Variants in HYAL4 observed in about 807,000 individuals in gnomAD.
HYAL4 encodes the protein hyaluronidase-4.
HYAL4 carries 37 observed loss-of-function variants against 35.2 expected under a neutral mutation model. The ratio of observed to expected loss-of-function variants is 1.05; its 90% confidence interval spans 0.81 to 1.38. The LOEUF (loss-of-function observed/expected upper bound fraction) is 1.38. Ranked by LOEUF, HYAL4 falls within the 40% of genes most tolerant of loss-of-function variation. The probability of loss-of-function intolerance (pLI) is 0.00; values close to 1 mark genes in which losing one functional copy is unlikely to be tolerated. For missense variants in HYAL4, 572 were observed against 572.4 expected (o/e 1.00, Z 0.01); for synonymous variants, 198 against 203.2 (o/e 0.97, Z 0.22).
At chr7:123,772,033 A>G in the HYAL4 span, among the ~76,000 whole-genome samples, 1 of 151,910 alleles carries the variant, frequency 6.6e-6, no homozygotes, top group Non-Finnish European at 1.5e-5. Context: ...GATTTACACT[A>G]TCAGCTCCCC....
intron 2 of HYAL4, among the ~76,000 whole-genome samples, chr7:123,853,839 T>C (rs959439715): frequency 6.6e-6 from 1 of 152,198 alleles, no homozygotes; most frequent in Non-Finnish European, 1.5e-5. Flanking sequence ...AGAATTCGGA[T>C]GTGAATCCTT....
intron 2 of HYAL4, among the ~76,000 whole-genome samples, chr7:123,851,622 T>A (rs777069860): frequency 2.0e-5 from 3 of 152,216 alleles, no homozygotes; most frequent in Non-Finnish European, 4.4e-5. Context: ...TGTGCCACAT[T>A]TTCTTGATCC....
At chr7:123,836,184 C>A (rs188052852) in intron 1 of HYAL4, among the ~76,000 whole-genome samples, 22 of 152,134 alleles carry the variant, frequency 1.4e-4, no homozygotes, top group African/African-American at 5.1e-4. Context: ...ATTGAAGTCC[C>A]CCACTATTAT....
At chr7:123,772,935 C>A in the HYAL4 span, among the ~76,000 whole-genome samples, 6 of 152,202 alleles carry the variant, frequency 3.9e-5, no homozygotes, top group African/African-American at 1.4e-4. Context: ...CCAGACTACA[C>A]CCATGAAAAA....
At chr7:123,796,892 G>T in the HYAL4 span, among the ~76,000 whole-genome samples, 30 of 152,086 alleles carry the variant, frequency 2.0e-4, no homozygotes, top group African/African-American at 7.0e-4. Context: ...TCCAAGATAG[G>T]CAAATCTATG....
At chr7:123,839,511 T>G (rs1219606952) in intron 1 of HYAL4, among the ~76,000 whole-genome samples, 3 of 152,204 alleles carry the variant, frequency 2.0e-5, no homozygotes, top group Non-Finnish European at 4.4e-5. Flanking sequence ...GTAATGGGAT[T>G]GCTGGGTCAA....
intron 2 of HYAL4, among the ~76,000 whole-genome samples, chr7:123,862,661 T>C (rs1341609738): frequency 2.6e-5 from 4 of 151,862 alleles, no homozygotes; most frequent in Non-Finnish European, 4.4e-5. Context: ...TTTGTGGTGA[T>C]TATTTAAAAT....
the HYAL4 span, among the ~76,000 whole-genome samples, chr7:123,821,306 C>T: frequency 6.6e-6 from 1 of 152,180 alleles, no homozygotes; most frequent in East Asian, 1.9e-4. Context: ...TTCTCTACAA[C>T]TTCAACACTT....
chr7:123,862,843 C>A (rs577943076), intron 2 of HYAL4, among the ~76,000 whole-genome samples: 59 of 152,332 alleles, frequency 3.9e-4, no homozygotes, highest in Admixed American at 1.4e-3. Context: ...TGTCATTCTT[C>A]TTTCAAAGCC....
the HYAL4 span, among the ~76,000 whole-genome samples, chr7:123,783,896 A>G: frequency 1.0e-3 from 157 of 152,332 alleles, no homozygotes; most frequent in Non-Finnish European, 1.7e-3. Context: ...AAGAAATAAA[A>G]GTATGCTAAG....
In HYAL4 at chr7:123,876,756, C is replaced by T. The variant is rs144115285; in HGVS notation, c.1047C>T (p.Ala349=). The change falls in exon 5 of 5, where the codon GCC becomes GCT. Residue 349 remains alanine, a splice_region_variant and synonymous_variant. Coordinates refer to ENST00000223026, the MANE Select transcript of HYAL4 (RefSeq NM_012269.3). ...TTGATTTCTTCCTACATTTCTAGGC[C>T]AACTGTACAAAGGTGAAGCAGTTTG... is the stretch of plus-strand genomic sequence containing the variant. The part of the protein sequence containing the change: ...WGDMNLTASK[A]NCTKVKQFVS... 3.7e-6 allele frequency: 6 copies of T among 1,606,828 alleles called. No individual in the cohort carries two copies. Among genetic ancestry groups the T allele is most frequent in the Non-Finnish European group, 5.1e-6 (6 of 1,174,436 alleles).
At chr7:123,792,819 A>G in the HYAL4 span, among the ~76,000 whole-genome samples, 1 of 152,150 alleles carries the variant, frequency 6.6e-6, no homozygotes, top group Non-Finnish European at 1.5e-5. Context: ...CTGTCATAAC[A>G]CATTGATGCT....
chr7:123,851,716 T>C (rs1806309221), intron 2 of HYAL4, among the ~76,000 whole-genome samples: 1 of 152,214 alleles, frequency 6.6e-6, no homozygotes, highest in Non-Finnish European at 1.5e-5. Flanking sequence ...TGGATGTGTC[T>C]TTATAGTAGA....
At chr7:123,790,035 C>G in the HYAL4 span, among the ~76,000 whole-genome samples, 1 of 152,246 alleles carries the variant, frequency 6.6e-6, no homozygotes, top group South Asian at 2.1e-4. Context: ...ATCTCACAGT[C>G]TTGAGTCTGA....
rs1419022632 is a variant in HYAL4, at chr7:123,868,234, T to C, written c.-40T>C. 3 of 1,133,566 alleles carry C rather than the reference T, an allele frequency of 2.6e-6. No individual in the cohort carries two copies. The highest frequency in any genetic ancestry group is 3.7e-6 in the Non-Finnish European group (3 of 807,908). 70.2% of individuals were successfully genotyped at this position (1,133,566 alleles called of 1,614,324 possible). On this transcript the variant is annotated 5_prime_UTR_variant, in exon 3 of 5. Coordinates refer to ENST00000223026, the MANE Select transcript of HYAL4 (RefSeq NM_012269.3). ...AAATCTCTCCACAGGTCTTCTAGAG[T>C]GCACTAAAGCAGAAGATAACGTAAC...
the HYAL4 span, among the ~76,000 whole-genome samples, chr7:123,808,379 C>T: frequency 3.9e-5 from 6 of 151,926 alleles, no homozygotes; most frequent in Non-Finnish European, 5.9e-5. Context: ...TGTACACACA[C>T]ACACACACGC....
upstream of HYAL4, among the ~76,000 whole-genome samples, chr7:123,828,678 A>G (rs1403562096): frequency 6.6e-6 from 1 of 152,170 alleles, no homozygotes; most frequent in African/African-American, 2.4e-5. Context: ...CACTACAAAT[A>G]TATCTTTACA....
intron 2 of HYAL4, among the ~76,000 whole-genome samples, chr7:123,858,636 C>T (rs1370190841): frequency 6.6e-6 from 1 of 152,100 alleles, no homozygotes; most frequent in Non-Finnish European, 1.5e-5. Flanking sequence ...ATATAATTTT[C>T]AAAAGTTGAG....
intron 2 of HYAL4, among the ~76,000 whole-genome samples, chr7:123,855,679 G>T (rs530623003): frequency 3.1e-4 from 47 of 151,950 alleles, no homozygotes; most frequent in Non-Finnish European, 6.2e-4. Flanking sequence ...ATGTGTCTTG[G>T]GGTTGCTCTT....
Sources: allele counts gnomAD v4.1 joint callset (sites outside exome capture counted in the v4.1 genomes callset), GRCh38; gene constraint gnomAD v4.1.1; transcripts MANE v1.5; gene names NCBI Gene and HGNC (gene_info 2026-07-23, HGNC 2026-07-21).